Variants in CFAP299 observed in about 807,000 individuals in gnomAD.
The protein encoded by CFAP299 is cilia and flagella associated protein 299, also known as cilia- and flagella-associated protein 299.
CFAP299 carries 21 observed loss-of-function variants against 27.0 expected under a neutral mutation model. The observed-to-expected ratio is 0.78, with a 90% CI of 0.55 to 1.12. CFAP299 has a LOEUF of 1.12. Ranked by LOEUF, CFAP299 falls within the 50% of genes most tolerant of loss-of-function variation. CFAP299 has a pLI of 0.00. For missense variants in CFAP299, 310 were observed against 276.6 expected, an observed-to-expected ratio of 1.12 and a Z score of -0.86; for synonymous variants, 104 against 98.1, an observed-to-expected ratio of 1.06 and a Z score of -0.36.
At chr4:80,721,595 C>T (rs1722815685) in intron 3 of CFAP299, among the ~76,000 whole-genome samples, 1 of 152,084 alleles carries the variant, frequency 6.6e-6, no homozygotes, top group Non-Finnish European at 1.5e-5. Flanking sequence ...TTTTGAGGTG[C>T]CAAGGATTAG....
chr4:80,608,038 CA>C (rs1204724286), intron 3 of CFAP299, among the ~76,000 whole-genome samples: 2 of 151,950 alleles, frequency 1.3e-5, no homozygotes, highest in Non-Finnish European at 1.5e-5. Context: ...ATTTCGTAGC[CA>C]AAGTTTCTTT....
Position 80,867,394 on chromosome 4 carries a change from CTTG to C in CFAP299, c.334-2596_334-2594del, listed in dbSNP as rs1732807885. Among the ~76,000 whole-genome samples the C allele has an allele frequency of 1.1e-4, 16 of 152,154 alleles. No individual in the cohort carries two copies. In the South Asian group the frequency reaches 3.3e-3, roughly 32 times the overall value. ...TGATACATATATATATTCTAATAAG[CTTG>C]TTTTTAACTTAAACATTTAGTTATT... On this transcript the variant is annotated intron_variant, in intron 3 of 5. Transcript: ENST00000358105.
chr4:80,736,551 C>A lies in CFAP299; in HGVS notation c.334-133442C>A, dbSNP rs953662201. On this transcript the variant is annotated intron_variant, in intron 3 of 5. Transcript: ENST00000358105. ...AGAAGACATTTATGCAGCCAAAAAA[C>A]ACATGAAAAAATGCTCACCATCACT... Among the ~76,000 whole-genome samples, 42 of 151,922 alleles carry A rather than the reference C, an allele frequency of 2.8e-4. 1 individual carries two copies. The highest frequency in any genetic ancestry group is 3.7e-4 in the Non-Finnish European group (25 of 67,960).
intron 3 of CFAP299, among the ~76,000 whole-genome samples, chr4:80,637,111 T>C (rs955665583): frequency 2.0e-5 from 3 of 152,188 alleles, no homozygotes; most frequent in African/African-American, 7.2e-5. Context: ...AATAGTTCTA[T>C]CATAAATTAC....
At chr4:80,555,665 C>G (rs1734746415) in intron 2 of CFAP299, among the ~76,000 whole-genome samples, 1 of 152,006 alleles carries the variant, frequency 6.6e-6, no homozygotes, top group South Asian at 2.1e-4. Flanking sequence ...ATTACTGATT[C>G]AATGTCAGAG....
chr4:80,574,855 G>C (rs992443900), intron 2 of CFAP299, among the ~76,000 whole-genome samples: 1 of 152,086 alleles, frequency 6.6e-6, no homozygotes, highest in Non-Finnish European at 1.5e-5. Flanking sequence ...GTTGAATTCA[G>C]TTTGCTAGTA....
At chr4:80,901,040 G>T (rs9999074) in intron 4 of CFAP299, among the ~76,000 whole-genome samples, 17,393 of 152,002 alleles carry the variant, frequency 0.11, 2,169 homozygotes, top group African/African-American at 0.31. Flanking sequence ...CTAGGAAGAT[G>T]AGTAAAAAAG....
chr4:80,808,858 G>C (rs1728998838), intron 3 of CFAP299, among the ~76,000 whole-genome samples: 1 of 152,064 alleles, frequency 6.6e-6, no homozygotes, highest in Non-Finnish European at 1.5e-5. Flanking sequence ...ATAGTCCCAT[G>C]ATTTACGATC....
intron 3 of CFAP299, among the ~76,000 whole-genome samples, chr4:80,629,612 G>T (rs1739099936): frequency 6.6e-6 from 1 of 152,006 alleles, no homozygotes. Flanking sequence ...AAGTGCAGTG[G>T]CTCACACCTG....
At chr4:80,491,316 T>G (rs1047396935) in intron 2 of CFAP299, among the ~76,000 whole-genome samples, 1 of 152,112 alleles carries the variant, frequency 6.6e-6, no homozygotes, top group Non-Finnish European at 1.5e-5. Context: ...GGTAGTAAAT[T>G]AAACTTAGAA....
rs538578733 is a variant in CFAP299 at position 80,860,306 on chromosome 4, A to G, written c.334-9687A>G. Among the ~76,000 whole-genome samples the G allele has an allele frequency of 7.2e-5, 11 of 152,204 alleles. No homozygotes were observed. The East Asian group carries it at 2.1e-3, about 29-fold the overall frequency. ...TCTGTATTGGTTATTCTAGTTATAC[A>G]TTCGTCTAAATTTTTTTCAAAGTTT... On this transcript the variant is annotated intron_variant, in intron 3 of 5. Coordinates refer to ENST00000358105, the MANE Select transcript of CFAP299 (RefSeq NM_152770.3).
At chr4:80,450,302 T>C (rs1307648612) in intron 2 of CFAP299, among the ~76,000 whole-genome samples, 1 of 152,198 alleles carries the variant, frequency 6.6e-6, no homozygotes, top group Non-Finnish European at 1.5e-5. Context: ...TGCATTGATA[T>C]ATGTGCCAAA....
chr4:80,938,286 C>A (rs1737018899), intron 4 of CFAP299, among the ~76,000 whole-genome samples: 3 of 152,164 alleles, frequency 2.0e-5, no homozygotes. Flanking sequence ...TTGTGATGGC[C>A]ATGACACCCA....
intron 2 of CFAP299, among the ~76,000 whole-genome samples, chr4:80,413,470 C>T (rs1044655516): frequency 7.7e-4 from 117 of 152,138 alleles, no homozygotes; most frequent in African/African-American, 2.7e-3. Flanking sequence ...TTAATGAAGC[C>T]CTATTGGTAC....
chr4:80,388,243 C>T (rs948899167), intron 2 of CFAP299: 25 of 692,098 alleles, frequency 3.6e-5, no homozygotes, highest in African/African-American at 2.8e-4. Context: ...GCACAGGTCG[C>T]GGGCCCTAGG....
At chr4:80,529,200 C>G (rs1482138856) in intron 2 of CFAP299, among the ~76,000 whole-genome samples, 1 of 152,132 alleles carries the variant, frequency 6.6e-6, no homozygotes, top group Admixed American at 6.6e-5. Flanking sequence ...TCTCTGCCAG[C>G]ATCATGTTCT....
chr4:80,516,301 G>A (rs1303866279), intron 2 of CFAP299, among the ~76,000 whole-genome samples: 1 of 152,112 alleles, frequency 6.6e-6, no homozygotes, highest in Non-Finnish European at 1.5e-5. Flanking sequence ...GATTACAGGT[G>A]TGAGCCACTG....
chr4:80,548,373 T>C (rs550743270), intron 2 of CFAP299, among the ~76,000 whole-genome samples: 2 of 152,102 alleles, frequency 1.3e-5, no homozygotes, highest in African/African-American at 2.4e-5. Context: ...AGGTACTAGG[T>C]AGGGACAGCT....
At chr4:80,859,675 G>A (rs1409451577) in intron 3 of CFAP299, among the ~76,000 whole-genome samples, 1 of 151,970 alleles carries the variant, frequency 6.6e-6, no homozygotes, top group Non-Finnish European at 1.5e-5. Flanking sequence ...ATGAAGCTTA[G>A]TTTGGCTGGA....
Sources: gnomAD v4.1 joint callset for allele counts (sites outside exome capture counted in the v4.1 genomes callset) on GRCh38, gnomAD v4.1.1 for gene constraint, MANE v1.5 for transcripts, NCBI Gene and HGNC (gene_info 2026-07-23, HGNC 2026-07-21) for gene names.